Variants in RGS6 observed in about 807,000 individuals in gnomAD.
RGS6 encodes the protein regulator of G-protein signaling 6.
RGS6 carries 30 observed loss-of-function variants against 78.5 expected under a neutral mutation model. The ratio of observed to expected loss-of-function variants is 0.38; its 90% CI spans 0.29 to 0.52. The LOEUF is 0.52. Among genes scored for constraint, RGS6 ranks in the 20% least tolerant of loss-of-function variants. The pLI is 0.85. For missense variants in RGS6, 495 were observed against 609.7 expected (o/e 0.81, Z 1.98); for synonymous variants, 206 against 206.0 (o/e 1.00, Z 0.00).
intron 2 of RGS6, among the ~76,000 whole-genome samples, chr14:72,259,464 G>A (rs2057707069): frequency 6.6e-6 from 1 of 152,090 alleles, no homozygotes; most frequent in Non-Finnish European, 1.5e-5. Flanking sequence ...AGGCTCAGCA[G>A]TACGCTTCAT....
intron 2 of RGS6, among the ~76,000 whole-genome samples, chr14:72,262,208 C>A (rs181303627): frequency 2.0e-5 from 3 of 152,316 alleles, no homozygotes; most frequent in Non-Finnish European, 4.4e-5. Flanking sequence ...GTCAATCTGG[C>A]TCCCTCAGAA....
At chr14:72,110,564 A>G (rs1332813203) in intron 2 of RGS6, among the ~76,000 whole-genome samples, 1 of 152,118 alleles carries the variant, frequency 6.6e-6, no homozygotes, top group Admixed American at 6.6e-5. Context: ...CTTCCTTTCC[A>G]TTCCCCTCTC....
the RGS6 span, among the ~76,000 whole-genome samples, chr14:71,912,313 G>C: frequency 6.6e-6 from 1 of 152,292 alleles, no homozygotes; most frequent in East Asian, 1.9e-4. Flanking sequence ...TTTAAGGTTT[G>C]TCAGGGGTCC....
chr14:71,937,909 T>C (rs1233459526), intron 1 of RGS6, among the ~76,000 whole-genome samples: 1 of 152,130 alleles, frequency 6.6e-6, no homozygotes, highest in Non-Finnish European at 1.5e-5. Context: ...GAGGGGTCAG[T>C]GTTGGTCTCT....
At chr14:71,908,989 T>G in the RGS6 span, among the ~76,000 whole-genome samples, 1 of 152,192 alleles carries the variant, frequency 6.6e-6, no homozygotes, top group Non-Finnish European at 1.5e-5. Flanking sequence ...CCAGATGTCC[T>G]AAGAATACAG....
intron 2 of RGS6, among the ~76,000 whole-genome samples, chr14:72,212,782 G>C (rs2044497212): frequency 6.6e-6 from 1 of 152,164 alleles, no homozygotes; most frequent in Non-Finnish European, 1.5e-5. Context: ...GTAGGCTCAT[G>C]CAAGAGGAAA....
intron 2 of RGS6, among the ~76,000 whole-genome samples, chr14:72,018,186 C>A (rs935138331): frequency 4.4e-4 from 22 of 50,008 alleles, no homozygotes; most frequent in Non-Finnish European, 6.0e-4. Context: ...TGTAGGAAGT[C>A]TTTTCTTGTT....
At chr14:72,397,259 C>A (rs1000238922) in intron 3 of RGS6, among the ~76,000 whole-genome samples, 2 of 152,044 alleles carry the variant, frequency 1.3e-5, no homozygotes, top group African/African-American at 2.4e-5. Flanking sequence ...TGGAGAGGTC[C>A]TTCACATCCC....
chr14:72,331,632 T>C (rs2075067422), intron 2 of RGS6, among the ~76,000 whole-genome samples: 2 of 152,026 alleles, frequency 1.3e-5, no homozygotes, highest in Non-Finnish European at 2.9e-5. Flanking sequence ...TCTCTCTCTC[T>C]CTCCATTCCA....
the RGS6 span, among the ~76,000 whole-genome samples, chr14:71,884,943 T>G: frequency 6.6e-6 from 1 of 152,182 alleles, no homozygotes; most frequent in South Asian, 2.1e-4. Flanking sequence ...TTTTGCCTCC[T>G]GAAATTTTGT....
chr14:72,056,688 C>T (rs1297705217), intron 2 of RGS6, among the ~76,000 whole-genome samples: 2 of 152,204 alleles, frequency 1.3e-5, no homozygotes, highest in Admixed American at 6.5e-5. Flanking sequence ...TCCCCTGCCA[C>T]CCCACAGAGT....
chr14:72,081,885 A>G (rs903077893), intron 2 of RGS6, among the ~76,000 whole-genome samples: 1 of 152,128 alleles, frequency 6.6e-6, no homozygotes, highest in Non-Finnish European at 1.5e-5. Flanking sequence ...TAAAAAATGT[A>G]GAAAGTACAG....
intron 1 of RGS6, among the ~76,000 whole-genome samples, chr14:71,940,378 C>T (rs1170352380): frequency 1.3e-5 from 2 of 152,156 alleles, no homozygotes; most frequent in Non-Finnish European, 2.9e-5. Context: ...TAAACTGGCT[C>T]AAGTCTGGAA....
At chr14:72,240,626 A>G (rs1030088798) in intron 2 of RGS6, among the ~76,000 whole-genome samples, 1 of 152,190 alleles carries the variant, frequency 6.6e-6, no homozygotes, top group Non-Finnish European at 1.5e-5. Context: ...TTCAAGTTGT[A>G]TATTAAAATT....
intron 2 of RGS6, among the ~76,000 whole-genome samples, chr14:72,340,282 A>AC (rs2076751705): frequency 1.3e-5 from 2 of 152,198 alleles, no homozygotes; most frequent in African/African-American, 4.8e-5. Flanking sequence ...TCAAACATGA[A>AC]CAATGACATA....
At chr14:72,190,298 A>G (rs1280725106) in intron 2 of RGS6, among the ~76,000 whole-genome samples, 6 of 152,256 alleles carry the variant, frequency 3.9e-5, no homozygotes, top group Non-Finnish European at 7.3e-5. Context: ...AGACAATTTC[A>G]GCATCCAGTC....
chr14:71,875,038 G>A, the RGS6 span, among the ~76,000 whole-genome samples: 2 of 152,216 alleles, frequency 1.3e-5, no homozygotes, highest in African/African-American at 4.8e-5. Flanking sequence ...TACTGGATTC[G>A]GTTTGCCAGT....
At chr14:72,425,807 A>C (rs1426826999) in intron 3 of RGS6, among the ~76,000 whole-genome samples, 2 of 152,238 alleles carry the variant, frequency 1.3e-5, no homozygotes, top group East Asian at 3.8e-4. Flanking sequence ...TAAGGAAATT[A>C]TAGGAGGCAT....
intron 2 of RGS6, among the ~76,000 whole-genome samples, chr14:72,029,127 G>A (rs1457155559): frequency 6.6e-6 from 1 of 152,206 alleles, no homozygotes; most frequent in Non-Finnish European, 1.5e-5. Context: ...AAACACTATT[G>A]AGTGTCACCT....
Sources: allele counts gnomAD v4.1 joint callset (sites outside exome capture counted in the v4.1 genomes callset), GRCh38; gene constraint gnomAD v4.1.1; transcripts MANE v1.5; gene names NCBI Gene and HGNC (gene_info 2026-07-23, HGNC 2026-07-21).